Variants in FAM151B observed in about 807,000 individuals in gnomAD.
FAM151B encodes the protein family with sequence similarity 151 member B, also known as protein FAM151B.
A neutral mutation model predicts 31.2 loss-of-function variants in FAM151B; 24 were observed. That is an observed-to-expected ratio of 0.77 (90% CI 0.56 to 1.08). FAM151B has a LOEUF of 1.08. FAM151B is among the 50% of genes least tolerant of loss of function. FAM151B has a pLI of 0.00. For synonymous variants in FAM151B, 105 were observed against 111.4 expected, an observed-to-expected ratio of 0.94 and a Z score of 0.36; for missense variants, 293 against 328.6, an observed-to-expected ratio of 0.89 and a Z score of 0.84.
chr5:80,513,831 T>C (rs76750557), intron 3 of FAM151B, 62 bp downstream of exon 3: 1 of 1,409,610 alleles, frequency 7.1e-7, no homozygotes, highest in African/African-American at 1.4e-5. Flanking sequence ...TGACTACCTA[T>C]TTTTTTTAAT....
At chr5:80,516,513 A>C (rs1313755261) in intron 3 of FAM151B, among the ~76,000 whole-genome samples, 1 of 152,210 alleles carries the variant, frequency 6.6e-6, no homozygotes, top group Non-Finnish European at 1.5e-5. Context: ...TGATATTTAG[A>C]AGTTTGATTT....
In FAM151B at chr5:80,525,072, C is replaced by T. The variant is rs532354789; in HGVS notation, c.671+2934C>T. Among the ~76,000 whole-genome samples, 2 of 152,298 alleles carry T rather than the reference C, an allele frequency of 1.3e-5. 1 individual carries two copies. The highest frequency in any genetic ancestry group is 4.1e-4 in the South Asian group (2 of 4,830). On this transcript the variant is annotated intron_variant, in intron 5 of 5. Transcript: ENST00000282226. ...ATACAAAAATAGCTATAAAAGACAG[C>T]ATTAAGCAAAGAGCCTTAGAGATTA...
At chr5:80,536,611 A>T (rs1745528770) in intron 5 of FAM151B, among the ~76,000 whole-genome samples, 1 of 152,206 alleles carries the variant, frequency 6.6e-6, no homozygotes, top group Non-Finnish European at 1.5e-5. Context: ...TTGTTGCAGC[A>T]CTATTCACAA....
chr5:80,525,681 G>T (rs1180467567), intron 5 of FAM151B, among the ~76,000 whole-genome samples: 1 of 151,924 alleles, frequency 6.6e-6, no homozygotes, highest in Non-Finnish European at 1.5e-5. Flanking sequence ...AGAAGCTGAC[G>T]TACACTATCA....
intron 1 of FAM151B, among the ~76,000 whole-genome samples, chr5:80,492,600 A>G (rs1449664362): frequency 6.6e-6 from 1 of 152,210 alleles, no homozygotes; most frequent in African/African-American, 2.4e-5. Flanking sequence ...GTTAATAACC[A>G]TAGAATGGGC....
intron 5 of FAM151B, among the ~76,000 whole-genome samples, chr5:80,532,054 C>G (rs367824770): frequency 6.6e-6 from 1 of 151,862 alleles, no homozygotes; most frequent in East Asian, 1.9e-4. Flanking sequence ...ATACTATGCA[C>G]CCATAAAAAA....
intron 1 of FAM151B, among the ~76,000 whole-genome samples, chr5:80,491,237 A>G (rs1743320471): frequency 6.6e-6 from 1 of 151,564 alleles, no homozygotes; most frequent in African/African-American, 2.4e-5. Flanking sequence ...TATCATTGAG[A>G]CAGGGTCTCG....
At chr5:80,511,065 T>G (rs1744160751) in intron 2 of FAM151B, 4 of 151,992 alleles carry the variant, frequency 2.6e-5, no homozygotes, top group African/African-American at 9.7e-5. Flanking sequence ...ATCGGAAAGT[T>G]TAATAGGGAA....
At chr5:80,499,430 A>G (rs1743662826) in intron 1 of FAM151B, among the ~76,000 whole-genome samples, 1 of 152,228 alleles carries the variant, frequency 6.6e-6, no homozygotes, top group Non-Finnish European at 1.5e-5. Context: ...GTTGCTGAGA[A>G]TAATCTGAAG....
Position 80,492,743 on chromosome 5 carries a change from G to A in FAM151B, c.25+4595G>A, listed in dbSNP as rs370293987. ...TGAGGTGGGAAGATCACATGAAGCC[G>A]GCAGTTCAAGACCAGCCTGGGCAAC... On this transcript the variant is annotated intron_variant, in intron 1 of 5. Transcript: ENST00000282226. 1.2e-4 allele frequency among the ~76,000 whole-genome samples: 18 copies of A among 152,208 alleles called. 1 individual carries two copies. Among genetic ancestry groups the A allele is most frequent in the African/African-American group, 3.9e-4 (16 of 41,520 alleles).
At chr5:80,488,203 G>A (rs1743180823) in intron 1 of FAM151B, 55 bp downstream of exon 1, 9 of 1,516,758 alleles carry the variant, frequency 5.9e-6, no homozygotes, top group Admixed American at 4.1e-5. Context: ...GAGAGGCTCC[G>A]CCGGCCGTAC....
chr5:80,526,730 T>C (rs1744991381), intron 5 of FAM151B, among the ~76,000 whole-genome samples: 1 of 152,226 alleles, frequency 6.6e-6, no homozygotes, highest in Admixed American at 6.5e-5. Context: ...CTCTAATTTC[T>C]TTTTTATGAT....
chr5:80,490,340 A>C (rs1181432029), intron 1 of FAM151B, among the ~76,000 whole-genome samples: 1 of 152,232 alleles, frequency 6.6e-6, no homozygotes, highest in Non-Finnish European at 1.5e-5. Flanking sequence ...CAGTGAACCA[A>C]GAACATGCCA....
intron 3 of FAM151B, among the ~76,000 whole-genome samples, chr5:80,516,388 C>G (rs1415470116): frequency 1.3e-5 from 2 of 152,064 alleles, no homozygotes; most frequent in African/African-American, 2.4e-5. Flanking sequence ...AGCGTTTTAG[C>G]TAAGAATTAT....
chr5:80,500,497 C>T, intron 1 of FAM151B: 1 of 773,138 alleles, frequency 1.3e-6, no homozygotes, highest in East Asian at 2.4e-5. Context: ...AAGCAAAACA[C>T]TGTCACAAGG....
chr5:80,501,465 G>GAAA (rs34586243), intron 1 of FAM151B: 32 of 85,360 alleles, frequency 3.7e-4, no homozygotes, highest in African/African-American at 9.0e-4. Context: ...CTCTCAAATT[G>GAAA]AAAAAAAAAA....
At chr5:80,529,207 A>G (rs1032404537) in intron 5 of FAM151B, among the ~76,000 whole-genome samples, 10 of 152,192 alleles carry the variant, frequency 6.6e-5, no homozygotes, top group Non-Finnish European at 1.5e-4. Flanking sequence ...AAGACACAAC[A>G]TACCAGAATC....
intron 1 of FAM151B, among the ~76,000 whole-genome samples, chr5:80,498,174 A>G (rs764345022): frequency 2.6e-5 from 4 of 152,214 alleles, no homozygotes; most frequent in Non-Finnish European, 5.9e-5. Flanking sequence ...TGTGCCTTCT[A>G]AAATGGCTAC....
chr5:80,489,848 C>T (rs1743245214), intron 1 of FAM151B, among the ~76,000 whole-genome samples: 1 of 151,422 alleles, frequency 6.6e-6, no homozygotes, highest in Non-Finnish European at 1.5e-5. Context: ...GGCGTGAACC[C>T]GGGAGGCGGA....
Sources: gnomAD v4.1 joint callset for allele counts (sites outside exome capture counted in the v4.1 genomes callset) on GRCh38, gnomAD v4.1.1 for gene constraint, MANE v1.5 for transcripts, NCBI Gene and HGNC (gene_info 2026-07-23, HGNC 2026-07-21) for gene names.